The following SLC9A9 variants were observed in gnomAD, a reference collection of about 807,000 sequenced individuals.
SLC9A9 encodes sodium/hydrogen exchanger 9.
In SLC9A9, 62 loss-of-function variants were observed where a neutral mutation model predicts 77.8. The observed-to-expected ratio is 0.80, with a 90% CI of 0.65 to 0.98. The LOEUF (loss-of-function observed/expected upper bound fraction) is 0.98. Ranked by LOEUF, SLC9A9 falls within the 50% of genes least tolerant of loss-of-function variation. SLC9A9 has a pLI of 0.00. For missense variants in SLC9A9, 775 were observed against 774.9 expected (o/e 1.00, Z 0.00); for synonymous variants, 320 against 283.5 (o/e 1.13, Z -1.29).
At position 143,635,170 on chromosome 3, in the gene SLC9A9, C is replaced by A. The variant is rs935347946; in HGVS notation, c.755+17085G>T. On this transcript the variant is annotated intron_variant, in intron 6 of 15. Transcript: ENST00000316549. ...GGATCCACTTCAAAGATGGATCGCCCACATGTCTGGCAAGTCTTGCTGGCT... is the reference window on the plus strand; with the variant it reads ...GGATCCACTTCAAAGATGGATCGCCAACATGTCTGGCAAGTCTTGCTGGCT... Among the ~76,000 whole-genome samples the A allele has an allele frequency of 5.9e-5, 9 of 152,294 alleles. No homozygotes were observed. The South Asian group carries it at 8.3e-4, about 14-fold the overall frequency.
intron 1 of SLC9A9, among the ~76,000 whole-genome samples, chr3:143,836,846 G>T (rs1212038937): frequency 6.6e-6 from 1 of 152,100 alleles, no homozygotes; most frequent in South Asian, 2.1e-4. Context: ...ATATGATTTT[G>T]CCCTTAAAAT....
intron 4 of SLC9A9, among the ~76,000 whole-genome samples, chr3:143,748,743 CCGGACTG>C (rs1935261509): frequency 6.9e-6 from 1 of 144,508 alleles, no homozygotes; most frequent in Non-Finnish European, 1.5e-5. Flanking sequence ...GTCGCCCAGG[CCGGACTG>C]CGGACTGCAG....
At chr3:143,517,515 C>A in intron 9 of SLC9A9, 2 of 1,597,706 alleles carry the variant, frequency 1.3e-6, no homozygotes, top group Non-Finnish European at 1.7e-6. Context: ...CGTTTTCGCT[C>A]ATACTTTCTC....
rs1049125705 is a variant in SLC9A9, at chr3:143,418,869, T to C, written c.1470-36755A>G. Among the ~76,000 whole-genome samples the C allele has an allele frequency of 1.1e-4, 17 of 152,280 alleles. No homozygotes were observed. In the East Asian group the frequency reaches 1.4e-3, roughly 12 times the overall value. On this transcript the variant is annotated intron_variant, in intron 12 of 15. Transcript: ENST00000316549. ...AGGCATGGAGTTGCTTTCTGATTGA[T>C]TGTCCTCATTTGCAGGGATGTGTGC...
At chr3:143,634,811 T>TA in intron 6 of SLC9A9, among the ~76,000 whole-genome samples, 1 of 152,278 alleles carries the variant, frequency 6.6e-6, no homozygotes, top group Admixed American at 6.5e-5. Context: ...CCATTATTTA[T>TA]AAAAAATTAC....
chr3:143,478,674 A>G (rs576972912), intron 11 of SLC9A9, among the ~76,000 whole-genome samples: 9 of 152,352 alleles, frequency 5.9e-5, no homozygotes, highest in African/African-American at 2.2e-4. Context: ...CATATAATTT[A>G]TTTGAGTCAA....
chr3:143,490,452 T>C (rs906765087), intron 11 of SLC9A9, among the ~76,000 whole-genome samples: 57 of 152,296 alleles, frequency 3.7e-4, no homozygotes, highest in East Asian at 1.9e-4. Flanking sequence ...ATTCCACTTA[T>C]ATGAGGCTCC....
chr3:143,710,341 T>C (rs1269270030), intron 4 of SLC9A9, among the ~76,000 whole-genome samples: 2 of 152,230 alleles, frequency 1.3e-5, no homozygotes, highest in African/African-American at 4.8e-5. Flanking sequence ...CCATGATTTT[T>C]CACCTTAAAA....
In SLC9A9 at chr3:143,765,002, T is replaced by C. The variant is rs143345241; in HGVS notation, c.533+29999A>G. Among the ~76,000 whole-genome samples the C allele has an allele frequency of 5.3e-3, 726 of 136,018 alleles. 8 individuals carry two copies. Among genetic ancestry groups the C allele is most frequent in the African/African-American group, 0.023 (682 of 29,668 alleles). 89.2% of individuals were successfully genotyped at this position (136,018 alleles called of 152,430 possible). A position where few individuals can be genotyped will look rare whatever the true frequency, so the allele number is the denominator to read the frequency against. On this transcript the variant is annotated intron_variant, in intron 4 of 15. Coordinates refer to ENST00000316549, the MANE Select transcript of SLC9A9 (RefSeq NM_173653.4). Reference sequence around the variant, plus strand: ...TCCTTCCTTCCTTCCTTCCTTCCTTTCTTTCTTTCTCTCTTTCTCTTTCTT... The same window carrying C: ...TCCTTCCTTCCTTCCTTCCTTCCTTCCTTTCTTTCTCTCTTTCTCTTTCTT...
intron 14 of SLC9A9, among the ~76,000 whole-genome samples, chr3:143,331,777 A>G (rs577314512): frequency 1.3e-5 from 2 of 152,202 alleles, no homozygotes; most frequent in Non-Finnish European, 2.9e-5. Context: ...TGTGCATTGT[A>G]TATTAGGGGA....
chr3:143,551,739 T>C (rs2036889812), intron 9 of SLC9A9, among the ~76,000 whole-genome samples: 1 of 152,216 alleles, frequency 6.6e-6, no homozygotes, highest in South Asian at 2.1e-4. Context: ...CACATCTGTG[T>C]CCTCAGAAAC....
chr3:143,804,004 C>A (rs956675146), intron 2 of SLC9A9, among the ~76,000 whole-genome samples: 1 of 152,148 alleles, frequency 6.6e-6, no homozygotes, highest in East Asian at 1.9e-4. Context: ...TAACTCTACT[C>A]CCCCCTTATG....
intron 14 of SLC9A9, among the ~76,000 whole-genome samples, chr3:143,289,883 C>T (rs1293183835): frequency 6.6e-6 from 1 of 152,216 alleles, no homozygotes; most frequent in Non-Finnish European, 1.5e-5. Context: ...ACAACACCAT[C>T]AAAAGCTTCC....
intron 4 of SLC9A9, among the ~76,000 whole-genome samples, chr3:143,753,462 T>A (rs781659748): frequency 7.2e-5 from 11 of 152,224 alleles, no homozygotes; most frequent in Non-Finnish European, 1.3e-4. Context: ...TGGAATTTTA[T>A]CTCAAGAGAG....
intron 9 of SLC9A9, among the ~76,000 whole-genome samples, chr3:143,536,442 A>G (rs2036589518): frequency 6.6e-6 from 1 of 152,238 alleles, no homozygotes; most frequent in Non-Finnish European, 1.5e-5. Flanking sequence ...ATAAATATTA[A>G]CCAAATTTGT....
chr3:143,400,720 C>CAA (rs36147058), intron 12 of SLC9A9, among the ~76,000 whole-genome samples: 4 of 137,508 alleles, frequency 2.9e-5, no homozygotes, highest in South Asian at 2.3e-4. Context: ...TGAATTTATG[C>CAA]AAAAAAAAAA....
At chr3:143,755,905 A>G (rs1238861190) in intron 4 of SLC9A9, among the ~76,000 whole-genome samples, 1 of 152,130 alleles carries the variant, frequency 6.6e-6, no homozygotes, top group Non-Finnish European at 1.5e-5. Context: ...GGCAATCAAA[A>G]AGTAAGTTAA....
intron 4 of SLC9A9, among the ~76,000 whole-genome samples, chr3:143,771,674 T>C (rs1400757333): frequency 2.0e-5 from 3 of 152,210 alleles, no homozygotes; most frequent in African/African-American, 7.2e-5. Context: ...TTTACTGGAA[T>C]TTGGAGTACA....
chr3:143,799,907 T>G (rs1387830858), intron 2 of SLC9A9, among the ~76,000 whole-genome samples: 3 of 152,226 alleles, frequency 2.0e-5, no homozygotes, highest in Non-Finnish European at 4.4e-5. Flanking sequence ...AGGGCCTGTT[T>G]CCTTTGCCTC....
Sources: gnomAD v4.1 joint callset for allele counts (sites outside exome capture counted in the v4.1 genomes callset) on GRCh38, gnomAD v4.1.1 for gene constraint, MANE v1.5 for transcripts, NCBI Gene and HGNC (gene_info 2026-07-23, HGNC 2026-07-21) for gene names.